The following MLLT3 variants were observed in gnomAD, a reference collection of about 807,000 sequenced individuals.
MLLT3 encodes MLLT3 super elongation complex subunit.
MLLT3 carries 4 observed loss-of-function variants against 53.2 expected under a neutral mutation model. The observed-to-expected ratio is 0.08, with a 90% CI of 0.04 to 0.17. The LOEUF (loss-of-function observed/expected upper bound fraction) is 0.17. Among genes scored for constraint, MLLT3 ranks in the 10% least tolerant of loss-of-function variants. MLLT3 has a pLI of 1.00. For missense variants in MLLT3, 569 were observed against 684.0 expected (o/e 0.83, Z 1.87); for synonymous variants, 283 against 230.6 (o/e 1.23, Z -2.06).
At chr9:20,520,919 G>A (rs1818040860) in intron 2 of MLLT3, among the ~76,000 whole-genome samples, 1 of 152,198 alleles carries the variant, frequency 6.6e-6, no homozygotes, top group Non-Finnish European at 1.5e-5. Flanking sequence ...AGTGGGAGAA[G>A]CAGGACATGT....
chr9:20,469,952 A>G (rs1485838133), intron 2 of MLLT3, among the ~76,000 whole-genome samples: 1 of 152,048 alleles, frequency 6.6e-6, no homozygotes, highest in Non-Finnish European at 1.5e-5. Context: ...AAAATGTCAA[A>G]TATTAACAGA....
chr9:20,575,438 ATTT>A (rs1240394367), intron 2 of MLLT3, among the ~76,000 whole-genome samples: 4 of 152,168 alleles, frequency 2.6e-5, no homozygotes, highest in South Asian at 2.1e-4. Context: ...TTAAAATTAA[ATTT>A]TTTAAGGTTT....
chr9:20,409,718 G>A (rs917650679), intron 5 of MLLT3, among the ~76,000 whole-genome samples: 2 of 152,150 alleles, frequency 1.3e-5, no homozygotes, highest in Admixed American at 1.3e-4. Flanking sequence ...CCTTCTGCCT[G>A]TCTACCTTAT....
chr9:20,474,582 C>G (rs1373444897), intron 2 of MLLT3, among the ~76,000 whole-genome samples: 2 of 152,052 alleles, frequency 1.3e-5, no homozygotes, highest in Admixed American at 1.3e-4. Context: ...GAGAGACACC[C>G]TTGTATTCCA....
At chr9:20,386,393 A>G (rs1822036784) in intron 5 of MLLT3, among the ~76,000 whole-genome samples, 1 of 152,188 alleles carries the variant, frequency 6.6e-6, no homozygotes, top group Non-Finnish European at 1.5e-5. Flanking sequence ...CTCAGAAGCC[A>G]ATAAACCCAA....
Position 20,346,604 on chromosome 9 carries a change from C to T in MLLT3, c.1576-30G>A, listed in dbSNP as rs1242551867. On this transcript the variant is annotated intron_variant, in intron 10 of 10. Transcript: ENST00000380338. ...AGGAGTGAAGAAGAGAAAGTTTGGGCAATACGCAGCAAACATCAAAAGGCA... is the reference window on the plus strand; with the variant it reads ...AGGAGTGAAGAAGAGAAAGTTTGGGTAATACGCAGCAAACATCAAAAGGCA... 3.7e-6 allele frequency: 6 copies of T among 1,600,352 alleles called. No homozygotes were observed. The South Asian group carries it at 6.8e-5, about 18-fold the overall frequency.
At chr9:20,586,340 T>C (rs1038445777) in intron 2 of MLLT3, among the ~76,000 whole-genome samples, 2 of 146,632 alleles carry the variant, frequency 1.4e-5, no homozygotes, top group African/African-American at 5.0e-5. Context: ...AAAAGTAATA[T>C]GGATGGGTAT....
intron 2 of MLLT3, among the ~76,000 whole-genome samples, chr9:20,492,515 T>C (rs540757874): frequency 2.0e-5 from 3 of 152,036 alleles, no homozygotes; most frequent in Admixed American, 6.6e-5. Context: ...AATATAGTTA[T>C]AAACATAAAA....
chr9:20,353,658 G>A, intron 9 of MLLT3, 62 bp from the exon 10 acceptor site: 1 of 1,343,366 alleles, frequency 7.4e-7, no homozygotes, highest in Non-Finnish European at 1.1e-6. Context: ...AAAAATAAAT[G>A]AATATGTAAG....
intron 10 of MLLT3, among the ~76,000 whole-genome samples, chr9:20,347,075 CAAAAAAAA>C (rs11295975): frequency 2.4e-5 from 2 of 83,016 alleles, no homozygotes; most frequent in African/African-American, 3.7e-5. Flanking sequence ...CAGGAACTCC[CAAAAAAAA>C]AAAAAAAAAA....
chr9:20,430,580 A>G (rs1244342170), intron 4 of MLLT3, among the ~76,000 whole-genome samples: 1 of 152,036 alleles, frequency 6.6e-6, no homozygotes, highest in Non-Finnish European at 1.5e-5. Flanking sequence ...TTTAAATTAG[A>G]CTCTTACCTC....
chr9:20,421,578 A>G (rs1255703850), intron 4 of MLLT3, among the ~76,000 whole-genome samples: 2 of 152,216 alleles, frequency 1.3e-5, no homozygotes, highest in African/African-American at 2.4e-5. Flanking sequence ...CTTTAATTAT[A>G]TAATTGTATA....
intron 2 of MLLT3, among the ~76,000 whole-genome samples, chr9:20,474,659 C>T (rs865834750): frequency 3.3e-5 from 5 of 151,828 alleles, no homozygotes; most frequent in Middle Eastern, 3.2e-3. Flanking sequence ...GAAAATAGTG[C>T]CCTATAAGCA....
intron 2 of MLLT3, among the ~76,000 whole-genome samples, chr9:20,497,990 G>A (rs189285491): frequency 2.0e-5 from 3 of 152,126 alleles, no homozygotes; most frequent in Admixed American, 6.5e-5. Context: ...GGGACAGTGA[G>A]GCGAGTGGAT....
intron 2 of MLLT3, among the ~76,000 whole-genome samples, chr9:20,594,978 T>C (rs1222362408): frequency 6.6e-6 from 1 of 152,154 alleles, no homozygotes; most frequent in East Asian, 1.9e-4. Context: ...CAGCAGCTCA[T>C]ACTGCTGCTC....
chr9:20,375,462 C>A (rs999614463), intron 5 of MLLT3, among the ~76,000 whole-genome samples: 4 of 152,142 alleles, frequency 2.6e-5, no homozygotes, highest in Non-Finnish European at 4.4e-5. Flanking sequence ...CTGATCCACA[C>A]CCAAAGCAAA....
At chr9:20,442,734 T>C (rs1161267913) in intron 4 of MLLT3, among the ~76,000 whole-genome samples, 1 of 152,214 alleles carries the variant, frequency 6.6e-6, no homozygotes, top group Non-Finnish European at 1.5e-5. Context: ...ACTGTGGACC[T>C]GAATTTCACT....
intron 2 of MLLT3, among the ~76,000 whole-genome samples, chr9:20,508,393 G>T (rs1448275537): frequency 6.6e-6 from 1 of 152,174 alleles, no homozygotes; most frequent in African/African-American, 2.4e-5. Context: ...AGTGTTTACA[G>T]ATGGTAGAAA....
intron 2 of MLLT3, among the ~76,000 whole-genome samples, chr9:20,461,967 C>G (rs1824119751): frequency 1.3e-5 from 2 of 152,254 alleles, no homozygotes; most frequent in South Asian, 2.1e-4. Flanking sequence ...GTATTTTGGA[C>G]TCCCTCACTT....
Sources: gnomAD v4.1 joint callset for allele counts (sites outside exome capture counted in the v4.1 genomes callset) on GRCh38, gnomAD v4.1.1 for gene constraint, MANE v1.5 for transcripts, NCBI Gene and HGNC (gene_info 2026-07-23, HGNC 2026-07-21) for gene names.